SLURP1: variants seen among roughly 807,000 people sequenced by gnomAD.
SLURP1 encodes secreted LY6/PLAUR domain containing 1.
Under a neutral mutation model 7.9 loss-of-function variants are expected in SLURP1, and 2 were observed. The ratio of observed to expected loss-of-function variants is 0.25; its 90% CI spans 0.10 to 0.79. SLURP1 has a LOEUF of 0.79. Ranked by LOEUF, SLURP1 falls within the 30% of genes least tolerant of loss-of-function variation. The pLI is 0.69. For synonymous variants in SLURP1, 59 were observed against 54.9 expected (o/e 1.07, Z -0.33); for missense variants, 111 against 139.8 (o/e 0.79, Z 1.04).
At chr8:142,742,238 G>A in intron 1 of SLURP1, 90 bp downstream of exon 1, 1 of 1,412,468 alleles carries the variant, frequency 7.1e-7, no homozygotes, top group Non-Finnish European at 1.0e-6. Context: ...GAGGCTCTCA[G>A]CCACAAAGCA....
Position 142,741,071 on chromosome 8 carries a change from G to T in SLURP1, c.*72C>A. On this transcript the variant is annotated 3_prime_UTR_variant, in exon 3 of 3. Coordinates refer to ENST00000246515, the MANE Select transcript of SLURP1 (RefSeq NM_020427.3). This position sits in a 1 kb window ranked among gnomAD's most constrained non-coding sequence, Gnocchi z 4.3. ...ACAGCAGCAGGAAGCAGGGGGAGGT[G>T]ATCACAGGTGGAGCCAGGCCCCGTC... The T allele has an allele frequency of 6.3e-6, 10 of 1,593,048 alleles. No homozygotes were observed. The highest frequency in any genetic ancestry group is 1.3e-5 in the African/African-American group (1 of 74,896).
In SLURP1 at chr8:142,741,214, C is replaced by T. The variant is rs750175473; in HGVS notation, c.241G>A (p.Asp81Asn). ...TGGGCGGCCCCGATGCTGTCGGGGT[C>T]GGTGGCCACACAGGAGCTGGAGCAG... ...RSCSSSCVAT[D>N]PDSIGAAHLI... is the part of the protein sequence containing the mutation. The change falls in exon 3 of 3, where the codon GAC (aspartate) becomes AAC (asparagine). Residue 81 changes from aspartate to asparagine, a missense_variant. By Grantham distance (23) the Asp-to-Asn change is conservative. Coordinates refer to ENST00000246515, the MANE Select transcript of SLURP1 (RefSeq NM_020427.3). This position sits in a 1 kb window ranked among gnomAD's most constrained non-coding sequence, Gnocchi z 4.3. 3.1e-6 allele frequency: 5 copies of T among 1,609,800 alleles called. No individual in the cohort carries two copies. Among genetic ancestry groups the T allele is most frequent in the African/African-American group, 2.7e-5 (2 of 74,838 alleles).
In SLURP1 at chr8:142,741,195, G is replaced by T. The variant is rs759508477; in HGVS notation, c.260C>A (p.Ala87Asp). ...CVATDPDSIG[A>D]AHLIFCCFRD... ...GAAGCAGCAGAAGATCAGGTGGGCG[G>T]CCCCGATGCTGTCGGGGTCGGTGGC... Residue 87 changes from alanine (A) to aspartate (D), a missense_variant, in exon 3 of 3, where the codon GCC becomes GAC. By Grantham distance (126) the Ala-to-Asp change is moderately radical. Coordinates refer to ENST00000246515, the MANE Select transcript of SLURP1 (RefSeq NM_020427.3). This position sits in a 1 kb window ranked among gnomAD's most constrained non-coding sequence, Gnocchi z 4.3. 1.2e-6 allele frequency: 2 copies of T among 1,609,818 alleles called. No individual in the cohort carries two copies. Among genetic ancestry groups the T allele is most frequent in the South Asian group, 1.1e-5 (1 of 91,066 alleles).
At position 142,741,254 on chromosome 8, in the gene SLURP1, G is replaced by T. The variant is rs747734516; in HGVS notation, c.201C>A (p.Pro67=). 1.2e-6 allele frequency: 2 copies of T among 1,605,646 alleles called. No individual in the cohort carries two copies. The highest frequency in any genetic ancestry group is 1.1e-5 in the South Asian group (1 of 90,500). ...AGCTGGAGCAGGAGCGGGTCACCAC[G>T]GGGCTCTGGTTGAAGGGGTACTCTG... ...VEAEYPFNQS[P]VVTRSCSSSC... is the part of the protein sequence containing the mutation. Residue 67 remains proline (P), a synonymous_variant, in exon 3 of 3, where the codon CCC becomes CCA. Coordinates refer to ENST00000246515, the MANE Select transcript of SLURP1 (RefSeq NM_020427.3). The surrounding 1 kb of genome is among the most constrained non-coding windows in gnomAD (Gnocchi z 4.3).
Position 142,741,917 on chromosome 8 carries a change from C to T in SLURP1, c.64G>A (p.Ala22Thr), listed in dbSNP as rs765178369. 16 of 1,612,246 alleles carry T rather than the reference C, an allele frequency of 9.9e-6. No homozygotes were observed. The South Asian group carries it at 1.8e-4, about 18-fold the overall frequency. Residue 22 changes from alanine to threonine, a missense_variant, in exon 2 of 3, where the codon GCC (alanine) becomes ACC (threonine). By Grantham distance (58) the Ala-to-Thr change is moderately conservative. Transcript: ENST00000246515. The surrounding 1 kb of genome is among the most constrained non-coding windows in gnomAD (Gnocchi z 4.3). ...TCCTTGCAGGTGTAGCACTTGAGGG[C>T]CTCACCTGGGTGAGGGATGGGGGCA... ...VAAWSMGCGE[A>T]LKCYTCKEPM... is the part of the protein sequence containing the mutation.
Position 142,742,329 on chromosome 8 carries a change from A to G in SLURP1, c.57T>C (p.Cys19=). 6.2e-7 allele frequency: 1 copy of G among 1,612,922 alleles called. No individual in the cohort carries two copies. Residue 19 remains cysteine (C), a splice_region_variant and synonymous_variant, in exon 1 of 3, where the codon TGT becomes TGC. Transcript: ENST00000246515. ...LLLVAAWSMG[C]GEALKCYTCK... is the part of the protein sequence containing the mutation. The stretch of plus-strand genomic sequence containing the variant: ...CCCACCAGCCTGCGGCCCACTCACC[A>G]CAGCCCATGCTCCAGGCTGCCACGA...
Position 142,741,363 on chromosome 8 carries a change from C to T in SLURP1, c.179-87G>A. On this transcript the variant is annotated intron_variant, in intron 2 of 2. Transcript: ENST00000246515. This position sits in a 1 kb window ranked among gnomAD's most constrained non-coding sequence, Gnocchi z 4.3. The stretch of plus-strand genomic sequence containing the variant: ...GCTCCCAGCCGCCGTCGCCTGACCT[C>T]ACCCTCCCTGTGATCCCTGTTCCCA... The T allele has an allele frequency of 1.3e-6, 2 of 1,490,596 alleles. No individual in the cohort carries two copies. The highest frequency in any genetic ancestry group is 1.8e-6 in the Non-Finnish European group (2 of 1,118,148). 92.3% of individuals were successfully genotyped at this position (1,490,596 alleles called of 1,614,324 possible). A position where few individuals can be genotyped will look rare whatever the true frequency, so the allele number is the denominator to read the frequency against.
In SLURP1 at chr8:142,741,781, C is replaced by T. The variant is rs771751551; in HGVS notation, c.178+22G>A. 6 of 1,608,380 alleles carry T rather than the reference C, an allele frequency of 3.7e-6. No homozygotes were observed. The highest frequency in any genetic ancestry group is 5.1e-6 in the Non-Finnish European group (6 of 1,179,908). The stretch of plus-strand genomic sequence containing the variant: ...GGCCCTGACTCCAGTGCACCCAGGG[C>T]TGCCGTGGGGCCTGGCCTCACCTGC... On this transcript the variant is annotated intron_variant, in intron 2 of 2. Transcript: ENST00000246515. This position sits in a 1 kb window ranked among gnomAD's most constrained non-coding sequence, Gnocchi z 4.3.
chr8:142,741,063 G>C lies in SLURP1; in HGVS notation c.*80C>G. 1 of 1,586,698 alleles carries C rather than the reference G, an allele frequency of 6.3e-7. No individual in the cohort carries two copies. The highest frequency in any genetic ancestry group is 8.5e-7 in the Non-Finnish European group (1 of 1,169,830). On this transcript the variant is annotated 3_prime_UTR_variant, in exon 3 of 3. Coordinates refer to ENST00000246515, the MANE Select transcript of SLURP1 (RefSeq NM_020427.3). This position sits in a 1 kb window ranked among gnomAD's most constrained non-coding sequence, Gnocchi z 4.3. ...GCTGTGCCACAGCAGCAGGAAGCAG[G>C]GGGAGGTGATCACAGGTGGAGCCAG... is the stretch of plus-strand genomic sequence containing the variant.
Position 142,741,030 on chromosome 8 carries a change from A to G in SLURP1, c.*113T>C. ...GTGTGCTTCTCTCCCCTCAGACCCC[A>G]TGAGTGAGCTGTGCCACAGCAGCAG... On this transcript the variant is annotated 3_prime_UTR_variant, in exon 3 of 3. Coordinates refer to ENST00000246515, the MANE Select transcript of SLURP1 (RefSeq NM_020427.3). This position sits in a 1 kb window ranked among gnomAD's most constrained non-coding sequence, Gnocchi z 4.3. The G allele has an allele frequency of 9.9e-6, 15 of 1,512,516 alleles. No homozygotes were observed. Among genetic ancestry groups the G allele is most frequent in the Non-Finnish European group, 1.4e-5 (15 of 1,106,924 alleles). 93.7% of individuals were successfully genotyped at this position (1,512,516 alleles called of 1,614,324 possible).
rs747651302 is a variant in SLURP1 at position 142,741,765 on chromosome 8, T to C, written c.178+38A>G. On this transcript the variant is annotated intron_variant, in intron 2 of 2. Coordinates refer to ENST00000246515, the MANE Select transcript of SLURP1 (RefSeq NM_020427.3). This position sits in a 1 kb window ranked among gnomAD's most constrained non-coding sequence, Gnocchi z 4.3. ...GGCACTTGGGGGAGGTGGCCCTGAC[T>C]CCAGTGCACCCAGGGCTGCCGTGGG... 48 of 1,605,156 alleles carry C rather than the reference T, an allele frequency of 3.0e-5. No homozygotes were observed. Among genetic ancestry groups the C allele is most frequent in the Middle Eastern group, 1.6e-4 (1 of 6,078 alleles).
chr8:142,742,352 C>A lies in SLURP1; in HGVS notation c.34G>T (p.Val12Leu), dbSNP rs147076743. Residue 12 changes from valine to leucine, a missense_variant, in exon 1 of 3, where the codon GTG (valine) becomes TTG (leucine). Transcript: ENST00000246515. Reference sequence around the variant, plus strand: ...CCACAGCCCATGCTCCAGGCTGCCACGAGCAGCAGCTGCACAGCCCAGCGA... The same window carrying A: ...CCACAGCCCATGCTCCAGGCTGCCAAGAGCAGCAGCTGCACAGCCCAGCGA... Reference protein sequence around the residue: ...ASRWAVQLLLVAAWSMGCGEA... With the variant: ...ASRWAVQLLLLAAWSMGCGEA... 3.7e-6 allele frequency: 6 copies of A among 1,612,862 alleles called. No homozygotes were observed. Among genetic ancestry groups the A allele is most frequent in the Non-Finnish European group, 5.1e-6 (6 of 1,180,022 alleles).
At position 142,741,300 on chromosome 8, in the gene SLURP1, ACCCTCACTC is replaced by A. The variant is rs1483959560; in HGVS notation, c.179-33_179-25del. On this transcript the variant is annotated intron_variant, in intron 2 of 2. Transcript: ENST00000246515. The surrounding 1 kb of genome is among the most constrained non-coding windows in gnomAD (Gnocchi z 4.3). ...CTCTGCAGGGTGGGCCAGTGTCAGA[ACCCTCACTC>A]CCCTGCAGCGCCTGCCTGCTGCTGC... is the stretch of plus-strand genomic sequence containing the variant. The A allele has an allele frequency of 3.2e-6, 5 of 1,567,560 alleles. No individual in the cohort carries two copies. The African/African-American group carries it at 6.8e-5, about 21-fold the overall frequency.
Position 142,741,695 on chromosome 8 carries a change from C to A in SLURP1, c.178+108G>T. The A allele has an allele frequency of 6.4e-7, 1 of 1,559,682 alleles. No homozygotes were observed. Among genetic ancestry groups the A allele is most frequent in the Non-Finnish European group, 8.7e-7 (1 of 1,149,752 alleles). On this transcript the variant is annotated intron_variant, in intron 2 of 2. Transcript: ENST00000246515. This position sits in a 1 kb window ranked among gnomAD's most constrained non-coding sequence, Gnocchi z 4.3. ...GTGTGGCAGCCTGTTCTGCCCATCC[C>A]ACCTGCTGCCTTTTGGGCCGGGAGG...
intron 1 of SLURP1, 122 bp downstream of exon 1, chr8:142,742,206 G>T: frequency 8.8e-7 from 1 of 1,141,726 alleles, no homozygotes; most frequent in Non-Finnish European, 1.3e-6. Context: ...AATGAGGAGG[G>T]TGAGCCTCAT....
intron 1 of SLURP1, 43 bp downstream of exon 1, chr8:142,742,285 C>G (rs1290241169): frequency 1.2e-6 from 2 of 1,606,552 alleles, no homozygotes; most frequent in Admixed American, 1.7e-5. Flanking sequence ...GGTGGGCAGA[C>G]AAGCTCAGAG....
intron 1 of SLURP1, 63 bp downstream of exon 1, chr8:142,742,265 C>G (rs1815883467): frequency 4.5e-6 from 7 of 1,552,798 alleles, no homozygotes; most frequent in Non-Finnish European, 6.2e-6. Context: ...ACAGCCCCAT[C>G]CCCCTAGGAG....
In SLURP1 at chr8:142,741,319, G is replaced by C. The variant is rs1010776703; in HGVS notation, c.179-43C>G. 1 of 1,543,808 alleles carries C rather than the reference G, an allele frequency of 6.5e-7. No individual in the cohort carries two copies. Among genetic ancestry groups the C allele is most frequent in the Non-Finnish European group, 8.7e-7 (1 of 1,149,664 alleles). ...GTCAGAACCCTCACTCCCCTGCAGC[G>C]CCTGCCTGCTGCTGCACTGCTCCCA... On this transcript the variant is annotated intron_variant, in intron 2 of 2. Coordinates refer to ENST00000246515, the MANE Select transcript of SLURP1 (RefSeq NM_020427.3). The surrounding 1 kb of genome is among the most constrained non-coding windows in gnomAD (Gnocchi z 4.3).
In SLURP1 at chr8:142,741,029, C is replaced by T; in HGVS notation, c.*114G>A. On this transcript the variant is annotated 3_prime_UTR_variant, in exon 3 of 3. Coordinates refer to ENST00000246515, the MANE Select transcript of SLURP1 (RefSeq NM_020427.3). This position sits in a 1 kb window ranked among gnomAD's most constrained non-coding sequence, Gnocchi z 4.3. ...GGTGTGCTTCTCTCCCCTCAGACCC[C>T]ATGAGTGAGCTGTGCCACAGCAGCA... The T allele has an allele frequency of 6.6e-7, 1 of 1,510,180 alleles. No homozygotes were observed. The highest frequency in any genetic ancestry group is 9.0e-7 in the Non-Finnish European group (1 of 1,105,198). 93.5% of individuals were successfully genotyped at this position (1,510,180 alleles called of 1,614,324 possible).
Sources: gnomAD v4.1 joint callset for allele counts on GRCh38, gnomAD v4.1.1 for gene constraint, Gnocchi (gnomAD v3.1) non-coding constraint, MANE v1.5 for transcripts, NCBI Gene and HGNC (gene_info 2026-07-23, HGNC 2026-07-21) for gene names.